Variants in NNT observed in about 807,000 individuals in gnomAD.
NNT encodes the protein nicotinamide nucleotide transhydrogenase, also known as NAD(P) transhydrogenase, mitochondrial.
Under a neutral mutation model 104.8 loss-of-function variants are expected in NNT, and 50 were observed. The observed-to-expected ratio is 0.48, with a 90% CI of 0.38 to 0.60. NNT has a LOEUF of 0.60. Ranked by LOEUF, NNT falls within the 20% of genes least tolerant of loss-of-function variation. The pLI, the probability that NNT is intolerant of heterozygous loss-of-function variation, is 0.00. For missense variants in NNT, 1,131 were observed against 1,330.7 expected (o/e 0.85, Z 2.33); for synonymous variants, 461 against 490.4 (o/e 0.94, Z 0.79).
At chr5:43,656,382 A>G (rs766506608) in intron 15 of NNT, among the ~76,000 whole-genome samples, 1 of 152,196 alleles carries the variant, frequency 6.6e-6, no homozygotes, top group Non-Finnish European at 1.5e-5. Context: ...CAGAAATTGT[A>G]AGAGTTTTTT....
intron 19 of NNT, among the ~76,000 whole-genome samples, chr5:43,690,776 C>T (rs1199139883): frequency 6.6e-6 from 1 of 151,564 alleles, no homozygotes; most frequent in Non-Finnish European, 1.5e-5. Context: ...ATGTAAAATA[C>T]TCTTGGATTC....
intron 11 of NNT, among the ~76,000 whole-genome samples, chr5:43,650,187 C>T (rs71629184): frequency 0.034 from 5,152 of 152,260 alleles, 136 homozygotes; most frequent in East Asian, 0.12. Context: ...AGAGGAACAT[C>T]GCTAGAAAGT....
chr5:43,673,020 G>A (rs1271764630), intron 17 of NNT, among the ~76,000 whole-genome samples: 1 of 152,168 alleles, frequency 6.6e-6, no homozygotes, highest in Non-Finnish European at 1.5e-5. Flanking sequence ...CCACCTTGCA[G>A]TTCGATCTCA....
At chr5:43,631,167 A>G (rs545527473) in intron 7 of NNT, among the ~76,000 whole-genome samples, 1 of 152,204 alleles carries the variant, frequency 6.6e-6, no homozygotes, top group African/African-American at 2.4e-5. Context: ...GACAGGTAGG[A>G]GTCTGATATG....
chr5:43,615,418 C>T (rs1051041364), intron 3 of NNT, among the ~76,000 whole-genome samples: 7 of 152,224 alleles, frequency 4.6e-5, no homozygotes, highest in Admixed American at 3.9e-4. Context: ...ATTATTCATG[C>T]TTGCCAAAAT....
rs1236168859 is a variant in NNT, at chr5:43,704,184, A to C, written c.3112-71A>C. The C allele has an allele frequency of 5.1e-6, 7 of 1,381,116 alleles. No individual in the cohort carries two copies. The South Asian group carries it at 9.1e-5, about 18-fold the overall frequency. The allele number at this position is 1,381,116 out of a possible 1,614,324, so 85.6% of individuals were successfully genotyped here. ...CCTTGTTCAAAGGTAGTGAAGAGCAATGTTTGTTTGCCTAACATGTCCTAG... is the reference window on the plus strand; with the variant it reads ...CCTTGTTCAAAGGTAGTGAAGAGCACTGTTTGTTTGCCTAACATGTCCTAG... On this transcript the variant is annotated intron_variant, in intron 21 of 21. Transcript: ENST00000344920.
intron 1 of NNT, among the ~76,000 whole-genome samples, chr5:43,607,725 G>A (rs1408139482): frequency 6.6e-6 from 1 of 152,176 alleles, no homozygotes; most frequent in Non-Finnish European, 1.5e-5. Flanking sequence ...ACAGGCATGA[G>A]CCACCAAGCC....
intron 19 of NNT, among the ~76,000 whole-genome samples, chr5:43,680,428 T>G (rs1366674919): frequency 6.6e-6 from 1 of 152,236 alleles, no homozygotes; most frequent in African/African-American, 2.4e-5. Flanking sequence ...TGAGTACAGC[T>G]GCTGGGCCTC....
intron 7 of NNT, among the ~76,000 whole-genome samples, chr5:43,642,602 G>A (rs142123198): frequency 1.3e-5 from 2 of 152,286 alleles, no homozygotes; most frequent in East Asian, 1.9e-4. Context: ...ATGTGGCAGC[G>A]AGCCCAGTGT....
chr5:43,664,062 C>T (rs1335045584), intron 17 of NNT, among the ~76,000 whole-genome samples: 2 of 142,146 alleles, frequency 1.4e-5, no homozygotes, highest in African/African-American at 4.9e-5. Flanking sequence ...ATGGAATGCA[C>T]CCCAAGTGGC....
chr5:43,677,840 T>C (rs984958091), intron 19 of NNT, 34 bp downstream of exon 19: 2 of 1,505,428 alleles, frequency 1.3e-6, no homozygotes, highest in Non-Finnish European at 1.8e-6. Context: ...TTGCACTATG[T>C]GTAAAGATGT....
At chr5:43,701,529 G>C (rs1339449099) in intron 20 of NNT, among the ~76,000 whole-genome samples, 1 of 152,060 alleles carries the variant, frequency 6.6e-6, no homozygotes, top group African/African-American at 2.4e-5. Flanking sequence ...ATTGTGAATA[G>C]TGCTGTGATG....
At position 43,644,671 on chromosome 5, in the gene NNT, C is replaced by A; in HGVS notation, c.1159C>A (p.Leu387Ile). ...CCGAATGGCCACTCAGGCCAGCACC[C>A]TATATTCCAACAACATCACCAAACT... is the stretch of plus-strand genomic sequence containing the variant. ...PSRMATQAST[L>I]YSNNITKLLK... Residue 387 changes from leucine to isoleucine, a missense_variant, in exon 9 of 22, where the codon CTA (leucine) becomes ATA (isoleucine). By Grantham distance (5) the Leu-to-Ile change is conservative (BLOSUM62 2). Transcript: ENST00000344920. 2 of 1,614,176 alleles carry A rather than the reference C, an allele frequency of 1.2e-6. No homozygotes were observed. The highest frequency in any genetic ancestry group is 1.6e-4 in the Middle Eastern group (1 of 6,062).
At chr5:43,649,577 CTT>C (rs35437854) in intron 11 of NNT, among the ~76,000 whole-genome samples, 31 of 140,474 alleles carry the variant, frequency 2.2e-4, no homozygotes, top group Admixed American at 2.9e-4. Flanking sequence ...AAGTTTGATC[CTT>C]TTTTTTTTTT....
intron 10 of NNT, 81 bp downstream of exon 10, chr5:43,645,591 G>A: frequency 1.3e-6 from 1 of 757,886 alleles, no homozygotes; most frequent in Non-Finnish European, 1.8e-6. Context: ...AGATATATGT[G>A]TAGCTATATA....
intron 19 of NNT, among the ~76,000 whole-genome samples, chr5:43,691,110 T>C (rs1180173526): frequency 1.3e-5 from 2 of 151,646 alleles, no homozygotes; most frequent in African/African-American, 2.4e-5. Context: ...TGTGTGTGTG[T>C]GTGTTTTGAG....
chr5:43,666,607 A>G (rs540797096), intron 17 of NNT, among the ~76,000 whole-genome samples: 22 of 150,068 alleles, frequency 1.5e-4, no homozygotes, highest in Admixed American at 1.2e-3. Context: ...AGGGGGAGGG[A>G]GAGAAGGAGA....
At chr5:43,643,742 G>A (rs1474348887) in intron 7 of NNT, among the ~76,000 whole-genome samples, 2 of 152,232 alleles carry the variant, frequency 1.3e-5, no homozygotes, top group Non-Finnish European at 2.9e-5. Flanking sequence ...AATTGGCAAT[G>A]TTCTGTTTTG....
chr5:43,631,756 A>C (rs1176808137), intron 7 of NNT, among the ~76,000 whole-genome samples: 1 of 152,190 alleles, frequency 6.6e-6, no homozygotes, highest in Non-Finnish European at 1.5e-5. Context: ...GTTTATAGTT[A>C]GCATACTTTA....
Sources: gnomAD v4.1 joint callset for allele counts (sites outside exome capture counted in the v4.1 genomes callset) on GRCh38, gnomAD v4.1.1 for gene constraint, MANE v1.5 for transcripts, NCBI Gene and HGNC (gene_info 2026-07-23, HGNC 2026-07-21) for gene names.